Variants in EML6 observed in about 807,000 individuals in gnomAD.
The protein encoded by EML6 is EMAP like 6.
EML6 carries 154 observed loss-of-function variants against 240.1 expected under a neutral mutation model. The observed-to-expected ratio is 0.64, with a 90% CI of 0.56 to 0.73. The LOEUF is 0.73. EML6 is among the 30% of genes least tolerant of loss of function. EML6 has a pLI of 0.00. For missense variants in EML6, 2,964 were observed against 2,474.6 expected (o/e 1.20, Z -4.20); for synonymous variants, 1,148 against 899.0 (o/e 1.28, Z -4.95).
intron 5 of EML6, among the ~76,000 whole-genome samples, chr2:54,825,150 C>CG (rs887597402): frequency 8.6e-5 from 13 of 152,014 alleles, no homozygotes; most frequent in Non-Finnish European, 1.5e-4. Context: ...ATAACTCAGA[C>CG]GGGGGGTGTA....
At chr2:54,862,862 C>T (rs1374161019) in intron 12 of EML6, among the ~76,000 whole-genome samples, 2 of 152,146 alleles carry the variant, frequency 1.3e-5, no homozygotes, top group African/African-American at 2.4e-5. Flanking sequence ...AGAATTAACC[C>T]TTGGGGGATA....
At position 54,809,312 on chromosome 2, in the gene EML6, CAAG is replaced by C. The variant is rs888237882; in HGVS notation, c.198-3916_198-3914del. Among the ~76,000 whole-genome samples, 8 of 152,248 alleles carry C rather than the reference CAAG, an allele frequency of 5.3e-5. No homozygotes were observed. The East Asian group carries it at 1.3e-3, about 26-fold the overall frequency. Reference sequence around the variant, plus strand: ...AGTCATAACATGGTAAAGAAGATGACAAGAAGCCCAAGGTAGAATAAGCATTTT... The same window carrying C: ...AGTCATAACATGGTAAAGAAGATGACAAGCCCAAGGTAGAATAAGCATTTT... On this transcript the variant is annotated intron_variant, in intron 2 of 41. Coordinates refer to ENST00000356458, the MANE Select transcript of EML6 (RefSeq NM_001039753.4).
rs552317599 is a variant in EML6 at position 54,962,779 on chromosome 2, G to T, written c.5157+68G>T. The T allele has an allele frequency of 2.7e-4, 358 of 1,310,652 alleles. 3 individuals are homozygous for T. The South Asian group carries it at 6.2e-3, about 23-fold the overall frequency. The allele number at this position is 1,310,652 out of a possible 1,614,324, so 81.2% of individuals were successfully genotyped here. On this transcript the variant is annotated intron_variant, in intron 36 of 41. Coordinates refer to ENST00000356458, the MANE Select transcript of EML6 (RefSeq NM_001039753.4). ...TGCGCGGCAGTGGGAGCTGAGCGAG[G>T]AGAGGCCCAGCCAGCGTCATGGCAG...
intron 7 of EML6, among the ~76,000 whole-genome samples, chr2:54,841,367 T>G (rs989567169): frequency 2.0e-5 from 3 of 152,206 alleles, no homozygotes; most frequent in Non-Finnish European, 4.4e-5. Context: ...CCTGTAGCAA[T>G]GAATTCAGAG....
chr2:54,831,006 A>G (rs1027704851), intron 7 of EML6, among the ~76,000 whole-genome samples: 1 of 152,226 alleles, frequency 6.6e-6, no homozygotes, highest in Non-Finnish European at 1.5e-5. Flanking sequence ...AGTGTGGGCC[A>G]GGGAAACTTG....
intron 2 of EML6, among the ~76,000 whole-genome samples, chr2:54,765,819 ATACTT>A (rs146410198): frequency 0.047 from 7,172 of 152,308 alleles, 390 homozygotes; most frequent in East Asian, 0.3. Flanking sequence ...TAGTCAATAA[ATACTT>A]TAACCATTTC....
At chr2:54,941,949 C>T (rs1388937803) in intron 28 of EML6, among the ~76,000 whole-genome samples, 2 of 152,202 alleles carry the variant, frequency 1.3e-5, no homozygotes, top group Admixed American at 6.5e-5. Context: ...CTATTAAACC[C>T]AGAAATGCTG....
intron 2 of EML6, among the ~76,000 whole-genome samples, chr2:54,793,382 A>G (rs1159506177): frequency 9.4e-6 from 1 of 106,334 alleles, no homozygotes; most frequent in Non-Finnish European, 1.8e-5. Flanking sequence ...ATGTATGAGT[A>G]GGCTTTTTTT....
intron 24 of EML6, among the ~76,000 whole-genome samples, chr2:54,905,301 A>T (rs1673263617): frequency 7.2e-6 from 1 of 139,710 alleles, no homozygotes; most frequent in South Asian, 2.5e-4. Flanking sequence ...ATAGGGTCTG[A>T]TTAACTTTAT....
chr2:54,747,848 A>G (rs894725485), intron 2 of EML6, among the ~76,000 whole-genome samples: 17 of 151,432 alleles, frequency 1.1e-4, no homozygotes, highest in African/African-American at 4.2e-4. Flanking sequence ...CTACTAGTAT[A>G]CTCATTTTAA....
intron 29 of EML6, among the ~76,000 whole-genome samples, chr2:54,949,608 A>T (rs1004008017): frequency 1.3e-5 from 2 of 152,096 alleles, no homozygotes; most frequent in African/African-American, 4.8e-5. Context: ...TCTCTCTCTG[A>T]CACATGCCCC....
At chr2:54,787,410 A>C (rs529605148) in intron 2 of EML6, among the ~76,000 whole-genome samples, 1 of 152,200 alleles carries the variant, frequency 6.6e-6, no homozygotes, top group East Asian at 1.9e-4. Context: ...AATTGTAGTC[A>C]TACAGACCTA....
chr2:54,934,984 T>G (rs1276301444), intron 28 of EML6, among the ~76,000 whole-genome samples: 1 of 152,244 alleles, frequency 6.6e-6, no homozygotes, highest in Non-Finnish European at 1.5e-5. Context: ...GGTGATAAAC[T>G]GAGTATGAGT....
intron 29 of EML6, among the ~76,000 whole-genome samples, chr2:54,950,082 C>G (rs1487723545): frequency 6.6e-6 from 1 of 152,220 alleles, no homozygotes; most frequent in Non-Finnish European, 1.5e-5. Flanking sequence ...AGCCACTGTT[C>G]TTTGTCTTAG....
intron 11 of EML6, among the ~76,000 whole-genome samples, chr2:54,859,331 G>A (rs77689304): frequency 0.023 from 3,515 of 152,186 alleles, 137 homozygotes; most frequent in African/African-American, 0.08. Context: ...TAAATTTTAC[G>A]ACCTATTTTT....
chr2:54,939,542 C>A (rs1273604618), intron 28 of EML6, among the ~76,000 whole-genome samples: 1 of 152,154 alleles, frequency 6.6e-6, no homozygotes, highest in Non-Finnish European at 1.5e-5. Context: ...TGATATGCAC[C>A]CATATTTGGC....
chr2:54,942,994 G>A (rs1243248980), intron 28 of EML6, among the ~76,000 whole-genome samples: 4 of 152,026 alleles, frequency 2.6e-5, no homozygotes, highest in African/African-American at 9.7e-5. Context: ...CTTATAGGAA[G>A]TCCCACGTTG....
At chr2:54,727,548 G>T (rs1407061374) in intron 2 of EML6, among the ~76,000 whole-genome samples, 1 of 152,138 alleles carries the variant, frequency 6.6e-6, no homozygotes. Flanking sequence ...ATTTTAATTC[G>T]TTTCTGTGTA....
At chr2:54,752,237 T>A (rs1240647999) in intron 2 of EML6, among the ~76,000 whole-genome samples, 1 of 152,168 alleles carries the variant, frequency 6.6e-6, no homozygotes, top group Non-Finnish European at 1.5e-5. Context: ...ATTTTAAAAA[T>A]AAGACAAGAA....
Sources: gnomAD v4.1 joint callset for allele counts (sites outside exome capture counted in the v4.1 genomes callset) on GRCh38, gnomAD v4.1.1 for gene constraint, MANE v1.5 for transcripts, NCBI Gene and HGNC (gene_info 2026-07-23, HGNC 2026-07-21) for gene names.